CSMD1: variants seen among roughly 807,000 people sequenced by gnomAD.
CSMD1 encodes the protein CUB and sushi domain-containing protein 1.
Under a neutral mutation model 417.5 loss-of-function variants are expected in CSMD1, and 213 were observed. That is an observed-to-expected ratio of 0.51 (90% confidence interval 0.46 to 0.57). CSMD1 has a LOEUF of 0.57. Among genes scored for constraint, CSMD1 ranks in the 20% least tolerant of loss-of-function variants. The pLI is 0.00. For synonymous variants in CSMD1, 2,862 were observed against 1,736.8 expected (o/e 1.65, Z -16.11); for missense variants, 6,923 against 4,529.7 (o/e 1.53, Z -15.17).
chr8:3,769,156 T>G (rs1040773584), intron 5 of CSMD1, among the ~76,000 whole-genome samples: 1 of 152,220 alleles, frequency 6.6e-6, no homozygotes, highest in Non-Finnish European at 1.5e-5. Flanking sequence ...GATGAAAACT[T>G]ACAATTTCCC....
chr8:3,818,151 C>T (rs1240299360), intron 5 of CSMD1, among the ~76,000 whole-genome samples: 2 of 152,054 alleles, frequency 1.3e-5, no homozygotes, highest in Non-Finnish European at 2.9e-5. Context: ...AAGGGTAGTG[C>T]CTCCTCTGAC....
At chr8:3,165,320 T>C (rs1820139140) in intron 37 of CSMD1, among the ~76,000 whole-genome samples, 1 of 152,156 alleles carries the variant, frequency 6.6e-6, no homozygotes, top group Admixed American at 6.5e-5. Context: ...GCCCAAGTAT[T>C]TTCCATACTT....
intron 29 of CSMD1, among the ~76,000 whole-genome samples, chr8:3,216,737 T>C (rs1263089905): frequency 6.6e-6 from 1 of 152,236 alleles, no homozygotes; most frequent in Non-Finnish European, 1.5e-5. Context: ...TCCGTGTCCG[T>C]TCCACTTATG....
intron 1 of CSMD1, among the ~76,000 whole-genome samples, chr8:4,752,591 G>C (rs1201190932): frequency 6.6e-6 from 1 of 152,136 alleles, no homozygotes; most frequent in Non-Finnish European, 1.5e-5. Flanking sequence ...AAATGCATGA[G>C]TGAAATTCTA....
chr8:4,070,749 T>G (rs1487671994), intron 3 of CSMD1, among the ~76,000 whole-genome samples: 1 of 152,148 alleles, frequency 6.6e-6, no homozygotes, highest in Non-Finnish European at 1.5e-5. Flanking sequence ...CAGCATTTCC[T>G]CCACCACGAG....
chr8:3,250,630 C>G (rs1354978054), intron 26 of CSMD1, among the ~76,000 whole-genome samples: 1 of 152,186 alleles, frequency 6.6e-6, no homozygotes, highest in Non-Finnish European at 1.5e-5. Flanking sequence ...TGAGGAATCG[C>G]CACACTGTCT....
At chr8:3,951,864 C>A (rs1473600133) in intron 5 of CSMD1, among the ~76,000 whole-genome samples, 1 of 151,674 alleles carries the variant, frequency 6.6e-6, no homozygotes, top group Non-Finnish European at 1.5e-5. Context: ...ACATAACTTG[C>A]ACATTAAACT....
chr8:3,786,510 G>C (rs1391762524), intron 5 of CSMD1, among the ~76,000 whole-genome samples: 1 of 152,198 alleles, frequency 6.6e-6, no homozygotes, highest in Non-Finnish European at 1.5e-5. Context: ...CTAGGAGTGG[G>C]TGAGAGCCAA....
intron 3 of CSMD1, among the ~76,000 whole-genome samples, chr8:4,076,647 T>C (rs142419457): frequency 1.4e-3 from 211 of 152,334 alleles, no homozygotes; most frequent in African/African-American, 4.8e-3. Context: ...AGGATTATTC[T>C]CTAACAAGGC....
At chr8:3,850,625 G>A (rs988344975) in intron 5 of CSMD1, among the ~76,000 whole-genome samples, 5 of 152,154 alleles carry the variant, frequency 3.3e-5, no homozygotes, top group Admixed American at 6.5e-5. Context: ...AACCTGGGGG[G>A]CGGAGGTTGA....
At chr8:3,349,773 A>T (rs1282676013) in intron 21 of CSMD1, among the ~76,000 whole-genome samples, 1 of 137,694 alleles carries the variant, frequency 7.3e-6, no homozygotes, top group African/African-American at 2.7e-5. Flanking sequence ...TAAAATAGAT[A>T]TAAGTCTAAA....
At chr8:3,674,564 G>T (rs906245797) in intron 7 of CSMD1, among the ~76,000 whole-genome samples, 1 of 151,030 alleles carries the variant, frequency 6.6e-6, no homozygotes, top group African/African-American at 2.4e-5. Context: ...TATGTATCAT[G>T]TACTACATTA....
At chr8:4,325,945 C>T (rs139991035) in intron 3 of CSMD1, among the ~76,000 whole-genome samples, 1 of 152,060 alleles carries the variant, frequency 6.6e-6, no homozygotes, top group Non-Finnish European at 1.5e-5. Context: ...TTTTTCTGTT[C>T]ACGGTCATAT....
At chr8:4,539,217 C>T (rs1471122644) in intron 2 of CSMD1, among the ~76,000 whole-genome samples, 2 of 152,152 alleles carry the variant, frequency 1.3e-5, no homozygotes, top group East Asian at 1.9e-4. Context: ...TTTGCCACTG[C>T]CACAAGTCAG....
At chr8:2,973,416 G>T (rs1804634974) in intron 56 of CSMD1, 117 bp from the exon 57 acceptor site, 3 of 966,746 alleles carry the variant, frequency 3.1e-6, no homozygotes, top group Non-Finnish European at 4.6e-6. Context: ...ATGAGTTATG[G>T]TTACACAACA....
intron 5 of CSMD1, among the ~76,000 whole-genome samples, chr8:3,804,152 G>A (rs984177460): frequency 9.2e-5 from 14 of 151,888 alleles, no homozygotes; most frequent in African/African-American, 2.9e-4. Context: ...GGCTGGTCTC[G>A]AACTCCCGAC....
intron 23 of CSMD1, among the ~76,000 whole-genome samples, chr8:3,330,789 T>A (rs556869452): frequency 6.6e-6 from 1 of 152,208 alleles, no homozygotes. Flanking sequence ...GCAAATACTT[T>A]ATTTTGAATT....
intron 2 of CSMD1, among the ~76,000 whole-genome samples, chr8:4,498,904 T>G (rs1033251876): frequency 6.6e-6 from 1 of 152,180 alleles, no homozygotes; most frequent in Non-Finnish European, 1.5e-5. Context: ...ATGAAAATGA[T>G]TTAGATCACA....
intron 10 of CSMD1, among the ~76,000 whole-genome samples, chr8:3,563,752 G>C (rs1020578256): frequency 1.3e-5 from 2 of 152,026 alleles, no homozygotes; most frequent in Non-Finnish European, 2.9e-5. Context: ...AGCTAGGTGT[G>C]GTGGTAGGCA....
Sources: allele counts gnomAD v4.1 joint callset (sites outside exome capture counted in the v4.1 genomes callset), GRCh38; gene constraint gnomAD v4.1.1; transcripts MANE v1.5; gene names NCBI Gene and HGNC (gene_info 2026-07-23, HGNC 2026-07-21).